Variants in PTPRS observed in about 807,000 individuals in gnomAD.
PTPRS encodes receptor-type tyrosine-protein phosphatase S.
A neutral mutation model predicts 215.3 loss-of-function variants in PTPRS; 63 were observed. The ratio of observed to expected loss-of-function variants is 0.29; its 90% confidence interval spans 0.24 to 0.36. The LOEUF is 0.36. PTPRS is among the 10% of genes least tolerant of loss of function. PTPRS has a pLI of 1.00. For synonymous variants in PTPRS, 1,404 were observed against 1,191.4 expected (o/e 1.18, Z -3.68); for missense variants, 2,258 against 2,825.8 (o/e 0.80, Z 4.56).
chr19:5,229,285 C>G (rs1440944933), intron 16 of PTPRS, 31 bp downstream of exon 16: 1 of 1,380,180 alleles, frequency 7.2e-7, no homozygotes, highest in Non-Finnish European at 9.4e-7. Flanking sequence ...AAGCGCACAG[C>G]AGTAGGTGGG....
intron 2 of PTPRS, among the ~76,000 whole-genome samples, chr19:5,285,432 T>C (rs543595159): frequency 6.6e-6 from 1 of 152,348 alleles, no homozygotes; most frequent in Non-Finnish European, 1.5e-5. Context: ...TACCAACCTC[T>C]TTCATCTGCA....
At chr19:5,229,822 A>C in intron 14 of PTPRS, 138 bp from the exon 15 acceptor site, 2 of 498,654 alleles carry the variant, frequency 4.0e-6, no homozygotes, top group Non-Finnish European at 6.1e-6. Flanking sequence ...AGCGCTCACC[A>C]CCGGGCGGGA....
chr19:5,225,852 C>T lies in PTPRS; in HGVS notation c.2377-8G>A. The T allele has an allele frequency of 6.2e-7, 1 of 1,611,328 alleles. No homozygotes were observed. ...GTTTGTGATGACCATCTCCTGCAGG[C>T]ACGGCTGGGGGTCAGCACGACGGCT... is the stretch of plus-strand genomic sequence containing the variant. On this transcript the variant is annotated splice_region_variant and splice_polypyrimidine_tract_variant and intron_variant, in intron 16 of 37. Transcript: ENST00000262963.
chr19:5,306,953 C>A (rs144796399), intron 1 of PTPRS, among the ~76,000 whole-genome samples: 1 of 152,184 alleles, frequency 6.6e-6, no homozygotes, highest in Non-Finnish European at 1.5e-5. Flanking sequence ...AAAGTACTCA[C>A]GGCAAAAGGC....
intron 4 of PTPRS, among the ~76,000 whole-genome samples, chr19:5,272,160 A>T (rs1035749878): frequency 6.6e-6 from 1 of 152,154 alleles, no homozygotes; most frequent in Non-Finnish European, 1.5e-5. Flanking sequence ...TGCAGTGGAG[A>T]AGGCAGCACA....
chr19:5,221,222 T>C lies in PTPRS; in HGVS notation c.3233A>G (p.Asp1078Gly). Residue 1078 changes from aspartate (D) to glycine (G), a missense_variant, in exon 20 of 38, where the codon GAT becomes GGT. By Grantham distance (94) the Asp-to-Gly change is moderately conservative. Coordinates refer to ENST00000262963, the MANE Select transcript of PTPRS (RefSeq NM_002850.4). ...IQYNGLTLDV[D>G]GRTTKKLITH... ...GATGAGCTTCTTGGTGGTACGGCCATCCACATCCAGTGTGAGCCCATTGTA... is the reference window on the plus strand; with the variant it reads ...GATGAGCTTCTTGGTGGTACGGCCACCCACATCCAGTGTGAGCCCATTGTA... 1.2e-6 allele frequency: 2 copies of C among 1,613,704 alleles called. No individual in the cohort carries two copies. The highest frequency in any genetic ancestry group is 8.5e-7 in the Non-Finnish European group (1 of 1,179,852).
At chr19:5,218,883 G>T in intron 23 of PTPRS, 85 bp from the exon 24 acceptor site, 1 of 1,366,474 alleles carries the variant, frequency 7.3e-7, no homozygotes, top group South Asian at 1.4e-5. Flanking sequence ...CTTGTTCTGT[G>T]ACTCTCAGTG....
Position 5,229,667 on chromosome 19 carries a change from G to A in PTPRS, c.2173C>T (p.Arg725Trp). Reference protein sequence around the residue: ...TDEDVPSAPPRKVEAEALNAT... With the variant: ...TDEDVPSAPPWKVEAEALNAT... ...TTGAGCGCCTCCGCCTCCACCTTCC[G>A]CGGCGGCGCGCTGGGCACTGGCGGG... The change falls in exon 15 of 38, where the codon CGG becomes TGG. Residue 725 changes from arginine (R) to tryptophan (W), a missense_variant. By Grantham distance (101) the Arg-to-Trp change is moderately radical. Coordinates refer to ENST00000262963, the MANE Select transcript of PTPRS (RefSeq NM_002850.4). 12 of 1,274,048 alleles carry A rather than the reference G, an allele frequency of 9.4e-6. No homozygotes were observed. The highest frequency in any genetic ancestry group is 1.2e-5 in the Non-Finnish European group (12 of 1,014,926). The allele number at this position is 1,274,048 out of a possible 1,614,324, so 78.9% of individuals were successfully genotyped here.
chr19:5,243,344 C>A (rs979268982), intron 11 of PTPRS, among the ~76,000 whole-genome samples: 1 of 151,766 alleles, frequency 6.6e-6, no homozygotes, highest in Non-Finnish European at 1.5e-5. Context: ...CGGTGTTGGC[C>A]AGGCTGGTCT....
rs965015752 is a variant in PTPRS at position 5,210,291 on chromosome 19, G to A, written c.5487+178C>T. Reference sequence around the variant, plus strand: ...CACTGCAGGGTCAGCACAGAGATAAGACCCTCTCTTCCACCTATGTGGCAG... The same window carrying A: ...CACTGCAGGGTCAGCACAGAGATAAAACCCTCTCTTCCACCTATGTGGCAG... On this transcript the variant is annotated intron_variant, in intron 35 of 37. Coordinates refer to ENST00000262963, the MANE Select transcript of PTPRS (RefSeq NM_002850.4). The surrounding 1 kb of genome is among the most constrained non-coding windows in gnomAD (Gnocchi z 4.5). Among the ~76,000 whole-genome samples the A allele has an allele frequency of 2.0e-5, 3 of 152,200 alleles. No homozygotes were observed. Among genetic ancestry groups the A allele is most frequent in the African/African-American group, 7.2e-5 (3 of 41,440 alleles).
rs1159271654 is a variant in PTPRS, at chr19:5,215,416, C to T, written c.4195-4G>A. On this transcript the variant is annotated splice_region_variant and splice_polypyrimidine_tract_variant and intron_variant, in intron 27 of 37. Coordinates refer to ENST00000262963, the MANE Select transcript of PTPRS (RefSeq NM_002850.4). ...ACTGCTGTCCAGGGTCGATGGACTA[C>T]AGAGGAAGGGGAGAGCGCGGGTGTC... is the stretch of plus-strand genomic sequence containing the variant. 3 of 1,613,190 alleles carry T rather than the reference C, an allele frequency of 1.9e-6. No homozygotes were observed. Among genetic ancestry groups the T allele is most frequent in the South Asian group, 1.1e-5 (1 of 91,074 alleles).
At position 5,223,024 on chromosome 19, in the gene PTPRS, A is replaced by G; in HGVS notation, c.2768T>C (p.Ile923Thr). The part of the protein sequence containing the change: ...LGEEAAEVLS[I>T]PEDTPRGHPQ... ...GTGGCCACGGGGCGTGTCCTCCGGG[A>G]TGCTCAGGACCTCGGCTGCCTCCTC... The change falls in exon 18 of 38, where the codon ATC (isoleucine) becomes ACC (threonine). Residue 923 changes from isoleucine to threonine, a missense_variant. Ile to Thr is a moderately conservative substitution (Grantham distance 89, BLOSUM62 -1). Coordinates refer to ENST00000262963, the MANE Select transcript of PTPRS (RefSeq NM_002850.4). 6.5e-7 allele frequency: 1 copy of G among 1,545,726 alleles called. No individual in the cohort carries two copies. Among genetic ancestry groups the G allele is most frequent in the Non-Finnish European group, 8.7e-7 (1 of 1,147,474 alleles).
intron 1 of PTPRS, among the ~76,000 whole-genome samples, chr19:5,307,568 G>A (rs1172551833): frequency 6.6e-6 from 1 of 152,106 alleles, no homozygotes; most frequent in African/African-American, 2.4e-5. Flanking sequence ...CTGCCATTTG[G>A]TTAAACAAGG....
At chr19:5,216,595 C>T (rs2041480567) in intron 26 of PTPRS, 125 bp downstream of exon 26, 1 of 833,430 alleles carries the variant, frequency 1.2e-6, no homozygotes, top group Non-Finnish European at 1.9e-6. Context: ...CAGCACAAGA[C>T]AGGTGGGCAA....
At chr19:5,283,368 G>C (rs2048037669) in intron 2 of PTPRS, among the ~76,000 whole-genome samples, 1 of 152,186 alleles carries the variant, frequency 6.6e-6, no homozygotes, top group South Asian at 2.1e-4. Flanking sequence ...CCTGAGGTCA[G>C]GAGTTCGAGA....
At chr19:5,299,155 T>C (rs1193440433) in intron 1 of PTPRS, among the ~76,000 whole-genome samples, 1 of 151,950 alleles carries the variant, frequency 6.6e-6, no homozygotes, top group Non-Finnish European at 1.5e-5. Flanking sequence ...TCAGGTCCCG[T>C]CCCTCCTCTG....
chr19:5,258,105 A>G lies in PTPRS; in HGVS notation c.618T>C (p.Ser206=). The G allele has an allele frequency of 2.5e-6, 4 of 1,614,078 alleles. No individual in the cohort carries two copies. The South Asian group carries it at 3.3e-5, about 13-fold the overall frequency. ...PIRGALQIES[S]EETDQGKYEC... is the part of the protein sequence containing the mutation. The stretch of plus-strand genomic sequence containing the variant: ...CATATTTGCCCTGGTCGGTTTCCTC[A>G]CTGCTTTCAATCTGCAGGGCTCCTG... The change falls in exon 8 of 38, where the codon AGT becomes AGC. Residue 206 remains serine, a synonymous_variant. Coordinates refer to ENST00000262963, the MANE Select transcript of PTPRS (RefSeq NM_002850.4).
At chr19:5,308,903 G>A (rs1000030687) in intron 1 of PTPRS, among the ~76,000 whole-genome samples, 1 of 152,158 alleles carries the variant, frequency 6.6e-6, no homozygotes, top group Non-Finnish European at 1.5e-5. Flanking sequence ...AATTTTGCTC[G>A]CTCCCTCCCG....
At position 5,229,702 on chromosome 19, in the gene PTPRS, A is replaced by AT; in HGVS notation, c.2156-19_2156-18insA. The AT allele has an allele frequency of 7.0e-6, 3 of 425,830 alleles. No individual in the cohort carries two copies. Among genetic ancestry groups the AT allele is most frequent in the Non-Finnish European group, 1.0e-5 (3 of 296,794 alleles). The allele number at this position is 425,830 out of a possible 1,614,324, so 26.4% of individuals were successfully genotyped here. ...GCTGGGCACTGGCGGGCGGGAGGGG[A>AT]GGGGAGGGGCGGGCGGAGCCGTTAC... On this transcript the variant is annotated intron_variant, in intron 14 of 37. Coordinates refer to ENST00000262963, the MANE Select transcript of PTPRS (RefSeq NM_002850.4).
Sources: gnomAD v4.1 joint callset for allele counts (sites outside exome capture counted in the v4.1 genomes callset) on GRCh38, gnomAD v4.1.1 for gene constraint, Gnocchi (gnomAD v3.1) non-coding constraint, MANE v1.5 for transcripts, NCBI Gene and HGNC (gene_info 2026-07-23, HGNC 2026-07-21) for gene names.